Variants in HEPH observed in about 807,000 individuals in gnomAD.
HEPH encodes hephaestin.
HEPH carries 69 observed loss-of-function variants against 80.8 expected under a neutral mutation model. The ratio of observed to expected loss-of-function variants is 0.85; its 90% CI spans 0.70 to 1.04. The LOEUF (loss-of-function observed/expected upper bound fraction) is 1.04, where lower values mean the gene tolerates loss of function less well. Ranked by LOEUF, HEPH falls within the 50% of genes least tolerant of loss-of-function variation. HEPH has a pLI of 0.00. For synonymous variants in HEPH, 431 were observed against 322.8 expected (o/e 1.34, Z -3.60); for missense variants, 1,115 against 891.3 (o/e 1.25, Z -3.20).
At chrX:66,194,732 G>C (rs1331288709) in intron 8 of HEPH, among the ~76,000 whole-genome samples, 1 of 111,654 alleles carries the variant, frequency 9.0e-6, no homozygotes, top group Admixed American at 9.5e-5. Context: ...GGCTGACAAT[G>C]GGATGAGAGA....
chrX:66,260,718 AT>A (rs1194971988), intron 19 of HEPH, among the ~76,000 whole-genome samples: 1 of 111,697 alleles, frequency 9.0e-6, no homozygotes, highest in Non-Finnish European at 1.9e-5. Flanking sequence ...ATAGTCACCC[AT>A]TAAATTGATT....
At position 66,266,500 on chromosome X, in the gene HEPH, T is replaced by C. The variant is rs1246777297; in HGVS notation, c.3305T>C (p.Ile1102Thr). Reference sequence around the variant, plus strand: ...AAGATGCTGGGCATGCAGATCCCCATAAAGAATGTTGAGATGCTGGCCTCT... The same window carrying C: ...AAGATGCTGGGCATGCAGATCCCCACAAAGAATGTTGAGATGCTGGCCTCT... ...NVKMLGMQIP[I>T]KNVEMLASVL... is the part of the protein sequence containing the mutation. The change falls in exon 21 of 21, where the codon ATA becomes ACA. Residue 1102 changes from isoleucine (I) to threonine (T), a missense_variant. Around this residue, in one of 3 missense-constraint regions of HEPH, gnomAD observed 716 missense variants for 523.5 expected, o/e 1.37. Coordinates refer to ENST00000343002, the MANE Select transcript of HEPH (RefSeq NM_001367233.3). 1 of 1,209,868 alleles carries C rather than the reference T, an allele frequency of 8.3e-7. No individual in the cohort carries two copies. Among genetic ancestry groups the C allele is most frequent in the Non-Finnish European group, 1.1e-6 (1 of 894,741 alleles).
intron 15 of HEPH, among the ~76,000 whole-genome samples, chrX:66,222,735 T>C (rs2089705663): frequency 9.0e-6 from 1 of 111,552 alleles, no homozygotes; most frequent in Non-Finnish European, 1.9e-5. Context: ...TAATGCCCAG[T>C]CTGAGGAGAG....
At chrX:66,188,174 G>A (rs1393896272) in intron 4 of HEPH, among the ~76,000 whole-genome samples, 185 bp from the exon 5 acceptor site, 1 of 111,848 alleles carries the variant, frequency 8.9e-6, no homozygotes, top group Non-Finnish European at 1.9e-5. Context: ...AGGTTCAACT[G>A]AATTGGTGGT....
intron 15 of HEPH, among the ~76,000 whole-genome samples, chrX:66,242,489 T>C (rs1289069151): frequency 8.9e-6 from 1 of 112,106 alleles, no homozygotes; most frequent in Admixed American, 9.5e-5. Flanking sequence ...CCAAAATCAA[T>C]TGTAGCAAAA....
At chrX:66,166,398 T>A (rs1036683227) in intron 1 of HEPH, among the ~76,000 whole-genome samples, 11 of 111,026 alleles carry the variant, frequency 9.9e-5, no homozygotes, top group African/African-American at 3.6e-4. Context: ...TTTCTCCATA[T>A]TGGTCAGGCT....
chrX:66,251,152 G>A (rs187130105), intron 15 of HEPH, among the ~76,000 whole-genome samples: 23 of 112,341 alleles, frequency 2.0e-4, no homozygotes, highest in African/African-American at 7.4e-4. Context: ...CAGTGTGCTG[G>A]GATTACAGGT....
chrX:66,187,120 A>G (rs1357926584), intron 4 of HEPH, among the ~76,000 whole-genome samples: 1 of 110,682 alleles, frequency 9.0e-6, no homozygotes, highest in Non-Finnish European at 1.9e-5. Flanking sequence ...TTCCTTGAAT[A>G]TTTATCCCTT....
chrX:66,218,602 T>G (rs1423045114), intron 15 of HEPH, among the ~76,000 whole-genome samples: 1 of 111,639 alleles, frequency 9.0e-6, no homozygotes, highest in Admixed American at 9.5e-5. Context: ...GTTAAAGAAG[T>G]AAGGGCTTTA....
At chrX:66,213,141 A>G (rs1284860806) in intron 15 of HEPH, among the ~76,000 whole-genome samples, 1 of 109,745 alleles carries the variant, frequency 9.1e-6, no homozygotes, top group East Asian at 2.8e-4. Context: ...CCACTAACTC[A>G]TCATCTAGCA....
chrX:66,198,450 T>C (rs2088235338), intron 10 of HEPH, among the ~76,000 whole-genome samples: 1 of 112,092 alleles, frequency 8.9e-6, no homozygotes, highest in African/African-American at 3.2e-5. Flanking sequence ...CTGGCACATA[T>C]TAAGCACTCA....
chrX:66,164,138 C>T (rs1602169487), upstream of HEPH: 1 of 641,035 alleles, frequency 1.6e-6, no homozygotes, highest in East Asian at 1.6e-4. Context: ...GTACAACCCA[C>T]CCCCTTGTAA....
At chrX:66,200,189 G>A (rs867943383) in intron 11 of HEPH, among the ~76,000 whole-genome samples, 5 of 107,254 alleles carry the variant, frequency 4.7e-5, no homozygotes, top group Non-Finnish European at 9.6e-5. Flanking sequence ...AAAGTATGTT[G>A]CCACAGAAAC....
rs191301975 is a variant in HEPH, at chrX:66,191,090, G to C, written c.1064-1040G>C. On this transcript the variant is annotated intron_variant, in intron 6 of 20. Transcript: ENST00000343002. ...TTTGGATCTTAGAGAATAGGGGGAT[G>C]ATATAAACAAGATAGTAGATATAAG... is the stretch of plus-strand genomic sequence containing the variant. Among the ~76,000 whole-genome samples, 143 of 111,635 alleles carry C rather than the reference G, an allele frequency of 1.3e-3. 1 individual carries two copies. Among genetic ancestry groups the C allele is most frequent in the Middle Eastern group, 4.6e-3 (1 of 218 alleles).
At chrX:66,174,005 G>A (rs1443894066) in intron 4 of HEPH, among the ~76,000 whole-genome samples, 1 of 109,900 alleles carries the variant, frequency 9.1e-6, no homozygotes, top group African/African-American at 3.3e-5. Flanking sequence ...TTTGTTTGTG[G>A]GTTAGGAACA....
Position 66,227,450 on chromosome X carries a change from A to C in HEPH, c.2563+19204A>C, listed in dbSNP as rs773458848. Among the ~76,000 whole-genome samples the C allele has an allele frequency of 2.7e-5, 3 of 111,667 alleles. No homozygotes were observed. The East Asian group carries it at 8.5e-4, about 32-fold the overall frequency. On this transcript the variant is annotated intron_variant, in intron 15 of 20. Transcript: ENST00000343002. ...GAAATCACACAAGGGAAAGAAATCAAGGGCATCCAAATTGGTAAAGAGGAA... is the reference window on the plus strand; with the variant it reads ...GAAATCACACAAGGGAAAGAAATCACGGGCATCCAAATTGGTAAAGAGGAA...
chrX:66,180,869 C>T lies in HEPH; in HGVS notation c.625+7068C>T, dbSNP rs770722156. Among the ~76,000 whole-genome samples, 8 of 74,445 alleles carry T rather than the reference C, an allele frequency of 1.1e-4. No homozygotes were observed. The South Asian group carries it at 6.8e-3, about 63-fold the overall frequency. 64.6% of individuals were successfully genotyped at this position (74,445 alleles called of 115,157 possible). Reference sequence around the variant, plus strand: ...CCCCTCCCCCGACCCCACCACAGTCCCCAGAGTGTGATATTCCCCTTCCTG... The same window carrying T: ...CCCCTCCCCCGACCCCACCACAGTCTCCAGAGTGTGATATTCCCCTTCCTG... On this transcript the variant is annotated intron_variant, in intron 4 of 20. Transcript: ENST00000343002.
intron 19 of HEPH, among the ~76,000 whole-genome samples, chrX:66,263,196 G>A (rs1270493409): frequency 8.9e-6 from 1 of 111,947 alleles, no homozygotes; most frequent in Non-Finnish European, 1.9e-5. Context: ...AAGAAGTATT[G>A]AGATGATGTA....
chrX:66,237,078 T>C (rs2090391873), intron 15 of HEPH, among the ~76,000 whole-genome samples: 1 of 111,569 alleles, frequency 9.0e-6, no homozygotes, highest in African/African-American at 3.3e-5. Context: ...CCTGGATTCA[T>C]TAATCTTTTG....
Sources: allele counts gnomAD v4.1 joint callset (sites outside exome capture counted in the v4.1 genomes callset), GRCh38; gene constraint gnomAD v4.1.1; regional missense constraint gnomAD v4.1.1; transcripts MANE v1.5; gene names NCBI Gene and HGNC (gene_info 2026-07-23, HGNC 2026-07-21).